Variants in ABCA13 observed in about 807,000 individuals in gnomAD.
ABCA13 encodes ATP-binding cassette sub-family A member 13.
A neutral mutation model predicts 478.7 loss-of-function variants in ABCA13; 476 were observed. The observed-to-expected ratio is 0.99, with a 90% CI of 0.92 to 1.07. The LOEUF is 1.07. Among genes scored for constraint, ABCA13 ranks in the 50% least tolerant of loss-of-function variants. The probability of loss-of-function intolerance (pLI) is 0.00; values close to 1 mark genes in which losing one functional copy is unlikely to be tolerated. For synonymous variants in ABCA13, 2,252 were observed against 2,158.9 expected, an observed-to-expected ratio of 1.04 and a Z score of -1.20; for missense variants, 6,060 against 5,910.6, an observed-to-expected ratio of 1.03 and a Z score of -0.83.
chr7:48,387,877 G>C lies in ABCA13; in HGVS notation c.11391G>C (p.Lys3797Asn), dbSNP rs1815425333. ...WYFPFTASYW[K>N]SVGFLVEKRQ... Reference sequence around the variant, plus strand: ...TCCCCTTTACTGCCTCATATTGGAAGAGTGTGGGTTTCTTGGTGGAGAAAA... The same window carrying C: ...TCCCCTTTACTGCCTCATATTGGAACAGTGTGGGTTTCTTGGTGGAGAAAA... The change falls in exon 36 of 62, where the codon AAG (lysine) becomes AAC (asparagine). Residue 3797 changes from lysine to asparagine, a missense_variant. Lys to Asn is a moderately conservative substitution (Grantham distance 94). Coordinates refer to ENST00000435803, the MANE Select transcript of ABCA13 (RefSeq NM_152701.5). 2 of 1,612,192 alleles carry C rather than the reference G, an allele frequency of 1.2e-6. No homozygotes were observed. Among genetic ancestry groups the C allele is most frequent in the Non-Finnish European group, 1.7e-6 (2 of 1,179,258 alleles).
At chr7:48,303,307 T>G (rs1329473505) in intron 23 of ABCA13, among the ~76,000 whole-genome samples, 2 of 152,204 alleles carry the variant, frequency 1.3e-5, no homozygotes, top group Non-Finnish European at 2.9e-5. Flanking sequence ...CTGTTGATAG[T>G]TTCTTTTGCT....
intron 59 of ABCA13, among the ~76,000 whole-genome samples, chr7:48,620,432 T>C (rs1793023913): frequency 6.6e-6 from 1 of 152,208 alleles, no homozygotes; most frequent in African/African-American, 2.4e-5. Context: ...AGCTCAGCAC[T>C]GTTTCGTTTT....
chr7:48,211,765 C>T (rs1382567035), intron 3 of ABCA13, among the ~76,000 whole-genome samples: 1 of 152,022 alleles, frequency 6.6e-6, no homozygotes, highest in African/African-American at 2.4e-5. Context: ...CATTGGGAAG[C>T]AAAGGCCTGG....
At chr7:48,492,438 T>C (rs1252748382) in intron 48 of ABCA13, among the ~76,000 whole-genome samples, 1 of 152,184 alleles carries the variant, frequency 6.6e-6, no homozygotes, top group Non-Finnish European at 1.5e-5. Flanking sequence ...AATTCATCCA[T>C]ATATTTATTT....
Position 48,192,983 on chromosome 7 carries a change from T to C in ABCA13, c.94T>C (p.Trp32Arg), listed in dbSNP as rs370921866. The change falls in exon 2 of 62, where the codon TGG becomes CGG. Residue 32 changes from tryptophan to arginine, a missense_variant. Around this residue, in one of 3 missense-constraint regions of ABCA13, gnomAD observed 4,423 missense variants for 4,309.1 expected, o/e 1.03. Coordinates refer to ENST00000435803, the MANE Select transcript of ABCA13 (RefSeq NM_152701.5). ...NPVLFLAEFF[W>R]PCILFVILTV... ...GGTCCTTTTCCTTGCTGAATTCTTC[T>C]GGCCTTGTATCCTGTTTGTAATTCT... 6.7e-4 allele frequency: 1,033 copies of C among 1,533,322 alleles called. 5 individuals carry two copies. Among genetic ancestry groups the C allele is most frequent in the Admixed American group, 2.2e-4 (11 of 50,482 alleles). The allele number at this position is 1,533,322 out of a possible 1,614,324, so 95.0% of individuals were successfully genotyped here.
rs754117381 is a variant in ABCA13, at chr7:48,410,658, G to A, written c.12209G>A (p.Arg4070His). The change falls in exon 40 of 62, where the codon CGC becomes CAC. Residue 4070 changes from arginine to histidine, a missense_variant. By Grantham distance (29) the Arg-to-His change is conservative. Around this residue, in one of 3 missense-constraint regions of ABCA13, gnomAD observed 1,627 missense variants for 1,571.0 expected, o/e 1.04. Coordinates refer to ENST00000435803, the MANE Select transcript of ABCA13 (RefSeq NM_152701.5). ...AAGGAGGCATATGGCCAGGGGCTCCGCCTGACACTCACGAGGCAGGTAAGG... is the reference window on the plus strand; with the variant it reads ...AAGGAGGCATATGGCCAGGGGCTCCACCTGACACTCACGAGGCAGGTAAGG... The part of the protein sequence containing the change: ...CLKEAYGQGL[R>H]LTLTRQPSVL... 73 of 1,612,536 alleles carry A rather than the reference G, an allele frequency of 4.5e-5. No individual in the cohort carries two copies. Among genetic ancestry groups the A allele is most frequent in the South Asian group, 8.8e-5 (8 of 91,048 alleles).
rs890124080 is a variant in ABCA13 at position 48,481,102 on chromosome 7, C to T, written c.13042C>T (p.Leu4348Phe). 1.2e-6 allele frequency: 2 copies of T among 1,601,646 alleles called. No individual in the cohort carries two copies. The highest frequency in any genetic ancestry group is 2.7e-5 in the African/African-American group (2 of 74,766). The change falls in exon 46 of 62, where the codon CTC becomes TTC. Residue 4348 changes from leucine to phenylalanine, a missense_variant. Physicochemically the swap from Leu to Phe is conservative, Grantham distance 22. Transcript: ENST00000435803. ...TNHLGHTLLN[L>F]SGFNMEEYLL... ...CCACCTGGGCCACACACTGTTGAATCTCTCAGGCTTCAATATGGAGGAGTA... is the reference window on the plus strand; with the variant it reads ...CCACCTGGGCCACACACTGTTGAATTTCTCAGGCTTCAATATGGAGGAGTA...
At chr7:48,523,470 A>G (rs973229296) in intron 53 of ABCA13, among the ~76,000 whole-genome samples, 1 of 152,068 alleles carries the variant, frequency 6.6e-6, no homozygotes, top group Non-Finnish European at 1.5e-5. Context: ...CAATGATAAT[A>G]TAATAATATA....
Position 48,194,205 on chromosome 7 carries a change from G to GA in ABCA13, c.163+1153_163+1154insA, listed in dbSNP as rs1797603703. ...GATAGTGATAATGATGATGATAAGAGTGATGATAGTGGACGATGATGATAA... is the reference window on the plus strand; with the variant it reads ...GATAGTGATAATGATGATGATAAGAGATGATGATAGTGGACGATGATGATAA... On this transcript the variant is annotated intron_variant, in intron 2 of 61. Coordinates refer to ENST00000435803, the MANE Select transcript of ABCA13 (RefSeq NM_152701.5). Among the ~76,000 whole-genome samples the GA allele has an allele frequency of 4.0e-3, 2 of 504 alleles. 1 individual carries two copies. Among genetic ancestry groups the GA allele is most frequent in the African/African-American group, 0.048 (2 of 42 alleles). 0.3% of individuals were successfully genotyped at this position (504 alleles called of 152,430 possible). A position where few individuals can be genotyped will look rare whatever the true frequency, so the allele number is the denominator to read the frequency against.
intron 59 of ABCA13, among the ~76,000 whole-genome samples, chr7:48,636,574 G>A (rs529351529): frequency 2.6e-5 from 4 of 152,304 alleles, no homozygotes; most frequent in Admixed American, 6.5e-5. Context: ...TTTTGAGCCT[G>A]TGCAGTCCTG....
At chr7:48,554,748 A>G (rs1370495949) in intron 55 of ABCA13, among the ~76,000 whole-genome samples, 3 of 151,294 alleles carry the variant, frequency 2.0e-5, no homozygotes, top group Non-Finnish European at 1.5e-5. Context: ...TTTTTCAAAT[A>G]TAAGATAATA....
chr7:48,292,529 G>T (rs77631915), intron 20 of ABCA13, among the ~76,000 whole-genome samples: 12 of 152,042 alleles, frequency 7.9e-5, no homozygotes, highest in Admixed American at 7.9e-4. Context: ...TTTGGAATAG[G>T]TGTCCGATTT....
rs756545814 is a variant in ABCA13 at position 48,274,883 on chromosome 7, T to G, written c.5217T>G (p.Val1739=). The G allele has an allele frequency of 6.2e-7, 1 of 1,613,968 alleles. No homozygotes were observed. Among genetic ancestry groups the G allele is most frequent in the Non-Finnish European group, 8.5e-7 (1 of 1,179,866 alleles). The change falls in exon 17 of 62, where the codon GTT becomes GTG. Residue 1739 remains valine, a synonymous_variant. Coordinates refer to ENST00000435803, the MANE Select transcript of ABCA13 (RefSeq NM_152701.5). ...TCTCACGCCTGTTTCCTAAAGATGT[T>G]GTGGATGCTGTGATAGATGTGTACT... ...LQLSRLFPKD[V]VDAVIDVYYV... is the part of the protein sequence containing the mutation.
chr7:48,376,482 G>T lies in ABCA13; in HGVS notation c.11245G>T (p.Gly3749Cys). ...NNMYQALEQGGMTFGWVCWMI... is the reference protein window; with the variant it reads ...NNMYQALEQGCMTFGWVCWMI... ...TATGTACCAGGCTCTGGAACAAGGG[G>T]GCATGACATTTGGCTGGGTTTGCTG... Residue 3749 changes from glycine (G) to cysteine (C), a missense_variant, in exon 35 of 62, where the codon GGC becomes TGC. By Grantham distance (159) the Gly-to-Cys change is radical (BLOSUM62 -3). This residue lies in a region of ABCA13 where 4,423 missense variants were observed against 4,309.1 expected (regional missense o/e 1.03). Coordinates refer to ENST00000435803, the MANE Select transcript of ABCA13 (RefSeq NM_152701.5). 6.2e-7 allele frequency: 1 copy of T among 1,613,788 alleles called. No individual in the cohort carries two copies. Among genetic ancestry groups the T allele is most frequent in the Non-Finnish European group, 8.5e-7 (1 of 1,179,826 alleles).
chr7:48,640,659 T>G (rs1795038455), intron 59 of ABCA13, among the ~76,000 whole-genome samples: 1 of 152,198 alleles, frequency 6.6e-6, no homozygotes, highest in African/African-American at 2.4e-5. Flanking sequence ...AACATTTTAT[T>G]CTGTGGAAGT....
intron 23 of ABCA13, among the ~76,000 whole-genome samples, chr7:48,305,017 T>A (rs1334867301): frequency 6.6e-6 from 1 of 152,248 alleles, no homozygotes; most frequent in Admixed American, 6.5e-5. Flanking sequence ...TTATTCATCT[T>A]TTCCCTTAAA....
At chr7:48,423,209 A>G (rs1279025953) in intron 41 of ABCA13, among the ~76,000 whole-genome samples, 2 of 152,208 alleles carry the variant, frequency 1.3e-5, no homozygotes, top group Non-Finnish European at 2.9e-5. Flanking sequence ...AGTGTTTCGT[A>G]TCATCTAAGT....
chr7:48,545,463 A>G (rs1784739155), intron 55 of ABCA13, among the ~76,000 whole-genome samples: 1 of 151,796 alleles, frequency 6.6e-6, no homozygotes, highest in Admixed American at 6.6e-5. Context: ...ACCCAAGAAT[A>G]TAACATAAAC....
Position 48,644,876 on chromosome 7 carries a change from A to C in ABCA13, c.15081+122A>C. The C allele has an allele frequency of 3.7e-6, 4 of 1,087,206 alleles. No homozygotes were observed. In the South Asian group the frequency reaches 8.9e-5, roughly 24 times the overall value. 67.3% of individuals were successfully genotyped at this position (1,087,206 alleles called of 1,614,324 possible). A position where few individuals can be genotyped will look rare whatever the true frequency, so the allele number is the denominator to read the frequency against. On this transcript the variant is annotated intron_variant, in intron 61 of 61. Transcript: ENST00000435803. ...CACTTTATTCAATTCATCTTGTTAAATTTTATAAAATTATGATAAGGATGG... is the reference window on the plus strand; with the variant it reads ...CACTTTATTCAATTCATCTTGTTAACTTTTATAAAATTATGATAAGGATGG...
Sources: allele counts gnomAD v4.1 joint callset (sites outside exome capture counted in the v4.1 genomes callset), GRCh38; gene constraint gnomAD v4.1.1; regional missense constraint gnomAD v4.1.1; transcripts MANE v1.5; gene names NCBI Gene and HGNC (gene_info 2026-07-23, HGNC 2026-07-21).